Variants in PKHD1L1 observed in about 807,000 individuals in gnomAD.
PKHD1L1 encodes PKHD1 like 1.
Under a neutral mutation model 462.9 loss-of-function variants are expected in PKHD1L1, and 434 were observed. The ratio of observed to expected loss-of-function variants is 0.94; its 90% confidence interval spans 0.87 to 1.02. The LOEUF is 1.02. Ranked by LOEUF, PKHD1L1 falls within the 50% of genes least tolerant of loss-of-function variation. The pLI is 0.00. For missense variants in PKHD1L1, 5,202 were observed against 5,096.1 expected (o/e 1.02, Z -0.63); for synonymous variants, 1,781 against 1,750.0 (o/e 1.02, Z -0.44).
intron 5 of PKHD1L1, among the ~76,000 whole-genome samples, chr8:109,385,094 T>A (rs914087993): frequency 2.0e-5 from 3 of 151,856 alleles, no homozygotes; most frequent in Admixed American, 2.0e-4. Context: ...TCTTCATTTT[T>A]AAATAGCATT....
chr8:109,419,610 A>G (rs539405113), intron 22 of PKHD1L1, among the ~76,000 whole-genome samples: 19 of 152,288 alleles, frequency 1.2e-4, no homozygotes, highest in Admixed American at 3.9e-4. Flanking sequence ...AAATGCAACT[A>G]CTGACATTGA....
intron 2 of PKHD1L1, among the ~76,000 whole-genome samples, chr8:109,367,353 A>G (rs898089361): frequency 2.6e-5 from 4 of 152,254 alleles, no homozygotes; most frequent in Admixed American, 2.0e-4. Flanking sequence ...TGTAAATTCT[A>G]GATGACTACC....
chr8:109,509,984 C>T (rs558352650), intron 70 of PKHD1L1, among the ~76,000 whole-genome samples: 1 of 152,126 alleles, frequency 6.6e-6, no homozygotes, highest in East Asian at 1.9e-4. Flanking sequence ...TTATAAAAGT[C>T]ATTTTAAACC....
At chr8:109,474,264 G>T (rs1057063840) in intron 50 of PKHD1L1, among the ~76,000 whole-genome samples, 1 of 152,176 alleles carries the variant, frequency 6.6e-6, no homozygotes, top group Admixed American at 6.5e-5. Flanking sequence ...AAAATAAGAG[G>T]TTGTTACTTT....
At chr8:109,429,307 C>A (rs776236258) in intron 25 of PKHD1L1, 33 bp from the exon 26 acceptor site, 2 of 1,452,004 alleles carry the variant, frequency 1.4e-6, no homozygotes, top group East Asian at 2.5e-5. Flanking sequence ...TTTGTTATAA[C>A]CTTTCTAGTA....
At chr8:109,405,460 A>G (rs559277750) in intron 16 of PKHD1L1, among the ~76,000 whole-genome samples, 1 of 152,298 alleles carries the variant, frequency 6.6e-6, no homozygotes, top group East Asian at 1.9e-4. Flanking sequence ...CCCGTCAATG[A>G]TAGACTGGAT....
chr8:109,532,001 G>A lies in PKHD1L1; in HGVS notation c.*1911G>A, dbSNP rs1252413078. ...CTAAATTCCAAAAACTGCAATTCCA[G>A]CATCTATGGAACAAATTCCTACATT... On this transcript the variant is annotated 3_prime_UTR_variant, in exon 78 of 78. Coordinates refer to ENST00000378402, the MANE Select transcript of PKHD1L1 (RefSeq NM_177531.6). Among the ~76,000 whole-genome samples, 4 of 152,154 alleles carry A rather than the reference G, an allele frequency of 2.6e-5. No individual in the cohort carries two copies. Among genetic ancestry groups the A allele is most frequent in the African/African-American group, 9.7e-5 (4 of 41,410 alleles).
intron 2 of PKHD1L1, among the ~76,000 whole-genome samples, chr8:109,366,066 A>G (rs998248059): frequency 6.6e-6 from 1 of 152,250 alleles, no homozygotes; most frequent in African/African-American, 2.4e-5. Flanking sequence ...CTTCAGTTTA[A>G]GCACATAGAC....
chr8:109,445,340 G>C lies in PKHD1L1; in HGVS notation c.5471G>C (p.Gly1824Ala). The C allele has an allele frequency of 6.2e-7, 1 of 1,613,944 alleles. No individual in the cohort carries two copies. The highest frequency in any genetic ancestry group is 2.2e-5 in the East Asian group (1 of 44,876). Residue 1824 changes from glycine (G) to alanine (A), a missense_variant, in exon 38 of 78, where the codon GGA becomes GCA. Gly to Ala is a moderately conservative substitution (Grantham distance 60). This residue lies in a region of PKHD1L1 where 4,497 missense variants were observed against 4,336.8 expected (regional missense o/e 1.04). Transcript: ENST00000378402. The part of the protein sequence containing the change: ...VVVGSKGLAL[G>A]NLTVSSPPVA... Reference sequence around the variant, plus strand: ...GTGGGAAGTAAAGGCTTGGCTCTGGGAAACCTGACTGTCAGCAGCCCCCCA... The same window carrying C: ...GTGGGAAGTAAAGGCTTGGCTCTGGCAAACCTGACTGTCAGCAGCCCCCCA...
chr8:109,375,206 A>G (rs1811747808), intron 2 of PKHD1L1, among the ~76,000 whole-genome samples: 1 of 152,050 alleles, frequency 6.6e-6, no homozygotes, highest in Non-Finnish European at 1.5e-5. Flanking sequence ...ATTTCTTTTT[A>G]TTCTTTTTTC....
At chr8:109,441,163 T>G (rs1370721442) in intron 33 of PKHD1L1, 112 bp from the exon 34 acceptor site, 9 of 735,300 alleles carry the variant, frequency 1.2e-5, no homozygotes, top group East Asian at 8.8e-5. Context: ...TAAGGCAGAG[T>G]TTTTTTTAGG....
intron 37 of PKHD1L1, among the ~76,000 whole-genome samples, chr8:109,444,119 C>CA (rs1300135544): frequency 7.7e-6 from 1 of 129,648 alleles, no homozygotes; most frequent in Non-Finnish European, 1.7e-5. Flanking sequence ...ATTACCTCCC[C>CA]CCCCCAAAAA....
intron 59 of PKHD1L1, among the ~76,000 whole-genome samples, chr8:109,487,940 G>GGAAGGAAGGAAGGAAA (rs1818637652): frequency 6.7e-6 from 1 of 149,480 alleles, no homozygotes; most frequent in Non-Finnish European, 1.5e-5. Flanking sequence ...AAGGAAGGAA[G>GGAAGGAAGGAAGGAAA]GAAAGAAGGA....
At position 109,438,442 on chromosome 8, in the gene PKHD1L1, T is replaced by C. The variant is rs1815565473; in HGVS notation, c.3746T>C (p.Val1249Ala). The C allele has an allele frequency of 6.5e-6, 10 of 1,540,670 alleles. No individual in the cohort carries two copies. Among genetic ancestry groups the C allele is most frequent in the African/African-American group, 1.4e-5 (1 of 72,812 alleles). The change falls in exon 31 of 78, where the codon GTA becomes GCA. Residue 1249 changes from valine (V) to alanine (A), a missense_variant. By Grantham distance (64) the Val-to-Ala change is moderately conservative. Transcript: ENST00000378402. ...ATTATAACTGATTTTAGTCCAAAAG[T>C]ACGAACAATACTAGGTAAGAAATTC... ...TPIITDFSPKVRTILGEVNLT... is the reference protein window; with the variant it reads ...TPIITDFSPKARTILGEVNLT...
At chr8:109,510,153 T>C (rs1819892922) in intron 70 of PKHD1L1, among the ~76,000 whole-genome samples, 1 of 152,106 alleles carries the variant, frequency 6.6e-6, no homozygotes, top group Admixed American at 6.6e-5. Context: ...AAAATTAAAA[T>C]GGAGGAAGAT....
At chr8:109,373,386 C>T (rs568070223) in intron 2 of PKHD1L1, among the ~76,000 whole-genome samples, 80 of 151,742 alleles carry the variant, frequency 5.3e-4, no homozygotes, top group Non-Finnish European at 9.7e-4. Flanking sequence ...CTATTTGATT[C>T]TTCTCTCTTT....
chr8:109,534,135 TTAC>T lies in PKHD1L1; in HGVS notation c.*4051_*4053del, dbSNP rs1226548787. Reference sequence around the variant, plus strand: ...TTAAAATACCACATGCATCTTTGAGTTACTACTATACCCTCCCGAATGGAAATG... The same window carrying T: ...TTAAAATACCACATGCATCTTTGAGTTACTATACCCTCCCGAATGGAAATG... On this transcript the variant is annotated 3_prime_UTR_variant, in exon 78 of 78. Transcript: ENST00000378402. Among the ~76,000 whole-genome samples, 1 of 152,210 alleles carries T rather than the reference TTAC, an allele frequency of 6.6e-6. No homozygotes were observed. The highest frequency in any genetic ancestry group is 1.5e-5 in the Non-Finnish European group (1 of 68,038).
intron 16 of PKHD1L1, among the ~76,000 whole-genome samples, chr8:109,405,769 G>A (rs1813504700): frequency 6.6e-6 from 1 of 152,052 alleles, no homozygotes; most frequent in Non-Finnish European, 1.5e-5. Flanking sequence ...GTGATGATGG[G>A]TTGATAGGTG....
chr8:109,367,978 C>T (rs1811314745), intron 2 of PKHD1L1, among the ~76,000 whole-genome samples: 1 of 152,096 alleles, frequency 6.6e-6, no homozygotes, highest in African/African-American at 2.4e-5. Flanking sequence ...GATACCCAGG[C>T]CAAAGTGTTT....
Sources: gnomAD v4.1 joint callset for allele counts (sites outside exome capture counted in the v4.1 genomes callset) on GRCh38, gnomAD v4.1.1 for gene constraint, gnomAD v4.1.1 regional missense constraint, MANE v1.5 for transcripts, NCBI Gene and HGNC (gene_info 2026-07-23, HGNC 2026-07-21) for gene names.